The following GRIK5 variants were observed in gnomAD, a reference collection of about 807,000 sequenced individuals.
The protein encoded by GRIK5 is glutamate receptor ionotropic, kainate 5.
GRIK5 carries 43 observed loss-of-function variants against 97.4 expected under a neutral mutation model. The ratio of observed to expected loss-of-function variants is 0.44; its 90% CI spans 0.35 to 0.57. GRIK5 has a LOEUF of 0.57. Ranked by LOEUF, GRIK5 falls within the 20% of genes least tolerant of loss-of-function variation. The probability of loss-of-function intolerance (pLI) is 0.01; values close to 1 mark genes in which losing one functional copy is unlikely to be tolerated. For synonymous variants in GRIK5, 580 were observed against 583.5 expected, an observed-to-expected ratio of 0.99 and a Z score of 0.09; for missense variants, 1,015 against 1,382.0, an observed-to-expected ratio of 0.73 and a Z score of 4.21.
At position 42,062,956 on chromosome 19, in the gene GRIK5, C is replaced by A. The variant is rs2076280627; in HGVS notation, c.245-101G>T. 6.0e-6 allele frequency: 5 copies of A among 833,120 alleles called. No individual in the cohort carries two copies. Among genetic ancestry groups the A allele is most frequent in the Non-Finnish European group, 1.0e-5 (5 of 500,214 alleles). The allele number at this position is 833,120 out of a possible 1,614,324, so 51.6% of individuals were successfully genotyped here. A position where few individuals can be genotyped will look rare whatever the true frequency, so the allele number is the denominator to read the frequency against. ...CCATGGCCCAGGAGAGGATCAGACACTGGCAACTGCCTGATCCTCTTCTGC... is the reference window on the plus strand; with the variant it reads ...CCATGGCCCAGGAGAGGATCAGACAATGGCAACTGCCTGATCCTCTTCTGC... On this transcript the variant is annotated intron_variant, in intron 3 of 19. Transcript: ENST00000593562. This position sits in a 1 kb window ranked among gnomAD's most constrained non-coding sequence, Gnocchi z 5.3.
rs2075714252 is a variant in GRIK5 at position 42,022,578 on chromosome 19, C to T, written c.1474-224G>A. 1.0e-6 allele frequency: 1 copy of T among 985,266 alleles called. No homozygotes were observed. The highest frequency in any genetic ancestry group is 1.2e-6 in the Non-Finnish European group (1 of 829,888). 61.0% of individuals were successfully genotyped at this position (985,266 alleles called of 1,614,324 possible). On this transcript the variant is annotated intron_variant, in intron 12 of 19. Transcript: ENST00000593562. This position sits in a 1 kb window ranked among gnomAD's most constrained non-coding sequence, Gnocchi z 4.2. ...CCTCATCATCTCACGTCTCCAGACA[C>T]ACTGACTCCGTCCCCTAGGCCTCAA...
chr19:42,005,640 T>C, intron 17 of GRIK5, 83 bp downstream of exon 17: 1 of 920,614 alleles, frequency 1.1e-6, no homozygotes, highest in Non-Finnish European at 1.7e-6. Context: ...GCCTCGGGGG[T>C]GCCTGGCCCG....
intron 15 of GRIK5, among the ~76,000 whole-genome samples, chr19:42,007,076 T>C (rs1171602244): frequency 1.3e-5 from 2 of 152,072 alleles, no homozygotes; most frequent in Admixed American, 1.3e-4. Context: ...AAGAGCTGGA[T>C]AGAATACAGG....
rs2076317118 is a variant in GRIK5, at chr19:42,065,424, G to A, written c.80-37C>T. ...CATGGGTTGGGGACCAGACTCCTGAGTCCTGAGGAAGGAGGGGGCTGTGGT... is the reference window on the plus strand; with the variant it reads ...CATGGGTTGGGGACCAGACTCCTGAATCCTGAGGAAGGAGGGGGCTGTGGT... On this transcript the variant is annotated intron_variant, in intron 2 of 19. Coordinates refer to ENST00000593562, the MANE Select transcript of GRIK5 (RefSeq NM_002088.5). The surrounding 1 kb of genome is among the most constrained non-coding windows in gnomAD (Gnocchi z 5.8). The A allele has an allele frequency of 6.5e-7, 1 of 1,544,196 alleles. No homozygotes were observed. The highest frequency in any genetic ancestry group is 1.4e-5 in the African/African-American group (1 of 73,618).
intron 8 of GRIK5, among the ~76,000 whole-genome samples, chr19:42,055,807 C>T (rs2076175451): frequency 6.6e-6 from 1 of 152,000 alleles, no homozygotes; most frequent in Non-Finnish European, 1.5e-5. Context: ...CTCAGCCACC[C>T]AAGTAGCTGG....
chr19:42,031,730 A>G (rs1200837363), intron 12 of GRIK5, among the ~76,000 whole-genome samples: 1 of 152,220 alleles, frequency 6.6e-6, no homozygotes. Flanking sequence ...TAATTCAACA[A>G]AATATCACGA....
chr19:42,068,671 G>A, intron 1 of GRIK5: 4 of 436,304 alleles, frequency 9.2e-6, no homozygotes, highest in Non-Finnish European at 1.6e-5. Flanking sequence ...GGGAAGCCAG[G>A]GTGGAGGAGT....
intron 1 of GRIK5, chr19:42,068,585 G>A (rs2076374559): frequency 2.4e-6 from 1 of 409,610 alleles, no homozygotes; most frequent in African/African-American, 2.1e-5. Context: ...GCAGAGAGAG[G>A]GAGGAGGACA....
rs540997387 is a variant in GRIK5, at chr19:42,009,037, G to C, written c.1872-2227C>G. Among the ~76,000 whole-genome samples the C allele has an allele frequency of 7.2e-5, 11 of 151,870 alleles. No individual in the cohort carries two copies. The South Asian group carries it at 8.3e-4, about 11-fold the overall frequency. Reference sequence around the variant, plus strand: ...AGGCTGGGACTTTGAGATAAGCCTGGTCAACATAGCCAGACCCTGTCTCTA... The same window carrying C: ...AGGCTGGGACTTTGAGATAAGCCTGCTCAACATAGCCAGACCCTGTCTCTA... On this transcript the variant is annotated intron_variant, in intron 15 of 19. Coordinates refer to ENST00000593562, the MANE Select transcript of GRIK5 (RefSeq NM_002088.5).
chr19:41,999,253 G>A lies in GRIK5; in HGVS notation c.2561C>T (p.Ser854Phe), dbSNP rs1555870382. The stretch of plus-strand genomic sequence containing the variant: ...GCGGGAACGCGACGTCTTGCGGCAA[G>A]AAACGGCGTGGCGCAGCTCCTGCAG... Reference protein sequence around the residue: ...EMLQELRHAVSCRKTSRSRRR... With the variant: ...EMLQELRHAVFCRKTSRSRRR... Residue 854 changes from serine (S) to phenylalanine (F), a missense_variant, in exon 20 of 20, where the codon TCT becomes TTT. Ser to Phe is a radical substitution (Grantham distance 155, BLOSUM62 -2). This residue lies in a region of GRIK5 where 229 missense variants were observed against 341.0 expected (regional missense o/e 0.67). Coordinates refer to ENST00000593562, the MANE Select transcript of GRIK5 (RefSeq NM_002088.5). This position sits in a 1 kb window ranked among gnomAD's most constrained non-coding sequence, Gnocchi z 5.0. The A allele has an allele frequency of 1.3e-6, 2 of 1,525,048 alleles. No individual in the cohort carries two copies. Among genetic ancestry groups the A allele is most frequent in the Admixed American group, 2.0e-5 (1 of 50,266 alleles). 94.5% of individuals were successfully genotyped at this position (1,525,048 alleles called of 1,614,324 possible).
intron 15 of GRIK5, among the ~76,000 whole-genome samples, chr19:42,014,028 CAAA>C (rs1050872672): frequency 8.6e-5 from 6 of 69,710 alleles, no homozygotes; most frequent in Admixed American, 1.7e-4. Flanking sequence ...GACTCCATCT[CAAA>C]AAAAAAAAAA....
At chr19:42,038,257 G>A (rs144060721) in intron 12 of GRIK5, among the ~76,000 whole-genome samples, 10 of 152,338 alleles carry the variant, frequency 6.6e-5, no homozygotes, top group African/African-American at 2.4e-4. Context: ...GAAGGCCAAT[G>A]TCAGCCATGG....
intron 12 of GRIK5, among the ~76,000 whole-genome samples, chr19:42,040,209 C>A (rs2075961416): frequency 6.6e-6 from 1 of 152,306 alleles, no homozygotes; most frequent in East Asian, 1.9e-4. Context: ...ACCACAGACA[C>A]TCTCAGCTGC....
At position 42,006,836 on chromosome 19, in the gene GRIK5, G is replaced by A. The variant is rs201999771; in HGVS notation, c.1872-26C>T. 3.9e-5 allele frequency: 61 copies of A among 1,557,468 alleles called. No homozygotes were observed. The highest frequency in any genetic ancestry group is 4.8e-5 in the South Asian group (4 of 83,908). ...CTGAAGGGTGGGAGGGGTGAGTCAC[G>A]GGCTGGAGTCACCCCTGCTGACCTG... On this transcript the variant is annotated intron_variant, in intron 15 of 19. Coordinates refer to ENST00000593562, the MANE Select transcript of GRIK5 (RefSeq NM_002088.5). The surrounding 1 kb of genome is among the most constrained non-coding windows in gnomAD (Gnocchi z 5.3).
chr19:42,016,380 C>T (rs1164149601), intron 15 of GRIK5, among the ~76,000 whole-genome samples: 1 of 152,188 alleles, frequency 6.6e-6, no homozygotes. Flanking sequence ...GAGATCGTGC[C>T]ACTGCACTCT....
At chr19:42,059,101 C>T (rs2076225382) in intron 6 of GRIK5, among the ~76,000 whole-genome samples, 1 of 152,154 alleles carries the variant, frequency 6.6e-6, no homozygotes. Context: ...GTTCCCTTAG[C>T]CTCACTCATT....
Position 42,022,247 on chromosome 19 carries a change from C to T in GRIK5, c.1581G>A (p.Val527=). Residue 527 remains valine (V), a synonymous_variant, in exon 13 of 20, where the codon GTG becomes GTA. Coordinates refer to ENST00000593562, the MANE Select transcript of GRIK5 (RefSeq NM_002088.5). The surrounding 1 kb of genome is among the most constrained non-coding windows in gnomAD (Gnocchi z 4.2). ...MTLGISILYR[V]HMGRKPGYFS... is the part of the protein sequence containing the mutation. ...GTCTCCAGGGGAACCATACCATGTG[C>T]ACTCGGTAGAGGATGCTGATCCCCA... The T allele has an allele frequency of 6.2e-7, 1 of 1,608,576 alleles. No homozygotes were observed. Among genetic ancestry groups the T allele is most frequent in the Non-Finnish European group, 8.5e-7 (1 of 1,174,962 alleles).
chr19:42,046,774 A>C (rs1450147631), intron 11 of GRIK5, among the ~76,000 whole-genome samples: 1 of 152,196 alleles, frequency 6.6e-6, no homozygotes, highest in African/African-American at 2.4e-5. Context: ...CCTCTGAAAA[A>C]AGAAAATGAG....
intron 12 of GRIK5, among the ~76,000 whole-genome samples, chr19:42,039,427 C>T (rs1299549421): frequency 1.3e-5 from 2 of 152,150 alleles, no homozygotes; most frequent in Non-Finnish European, 2.9e-5. Context: ...GAGCCAAGAT[C>T]ACCCCATGGC....
Sources: allele counts gnomAD v4.1 joint callset (sites outside exome capture counted in the v4.1 genomes callset), GRCh38; gene constraint gnomAD v4.1.1; regional missense constraint gnomAD v4.1.1; non-coding constraint Gnocchi (gnomAD v3.1); transcripts MANE v1.5; gene names NCBI Gene and HGNC (gene_info 2026-07-23, HGNC 2026-07-21).